Variants in RSRC1 observed in about 807,000 individuals in gnomAD.
RSRC1 encodes arginine and serine rich coiled-coil 1, also known as serine/Arginine-related protein 53.
In RSRC1, 39 loss-of-function variants were observed where a neutral mutation model predicts 49.1. That is an observed-to-expected ratio of 0.79 (90% CI 0.61 to 1.04). The LOEUF is 1.04. Among genes scored for constraint, RSRC1 ranks in the 50% least tolerant of loss-of-function variants. RSRC1 has a pLI of 0.00. For missense variants in RSRC1, 388 were observed against 402.4 expected (o/e 0.96, Z 0.31); for synonymous variants, 143 against 130.8 (o/e 1.09, Z -0.63).
At chr3:158,513,642 GGGA>G (rs1163491448) in intron 7 of RSRC1, among the ~76,000 whole-genome samples, 4 of 152,184 alleles carry the variant, frequency 2.6e-5, no homozygotes, top group African/African-American at 4.8e-5. Flanking sequence ...AAATGAGTTA[GGGA>G]GGATTCCCTC....
At chr3:158,318,048 T>TG (rs768073246) in intron 5 of RSRC1, among the ~76,000 whole-genome samples, 284 of 151,328 alleles carry the variant, frequency 1.9e-3, no homozygotes, top group Non-Finnish European at 3.2e-3. Context: ...TGTGTGTGTG[T>TG]TTGTTTTTGG....
At chr3:158,333,491 GTGTT>G (rs1310064045) in intron 5 of RSRC1, among the ~76,000 whole-genome samples, 3 of 152,270 alleles carry the variant, frequency 2.0e-5, no homozygotes, top group East Asian at 1.9e-4. Context: ...AATAAAGTAT[GTGTT>G]TGATCTTTTT....
chr3:158,235,004 C>T (rs535725091), intron 4 of RSRC1, among the ~76,000 whole-genome samples: 5 of 151,890 alleles, frequency 3.3e-5, no homozygotes, highest in East Asian at 1.9e-4. Context: ...AGGTAACTGC[C>T]GACTGCTTAA....
At chr3:158,113,525 C>T (rs781137273) in intron 1 of RSRC1, among the ~76,000 whole-genome samples, 17 of 151,906 alleles carry the variant, frequency 1.1e-4, no homozygotes, top group Non-Finnish European at 2.1e-4. Flanking sequence ...CGCTTCACCA[C>T]GCCCAGCTAA....
At chr3:158,383,871 C>T (rs1397920021) in intron 6 of RSRC1, among the ~76,000 whole-genome samples, 1 of 151,982 alleles carries the variant, frequency 6.6e-6, no homozygotes, top group Admixed American at 6.6e-5. Flanking sequence ...ACAATTCATT[C>T]CTCAAAGATT....
intron 6 of RSRC1, among the ~76,000 whole-genome samples, chr3:158,401,794 A>G (rs911017823): frequency 2.6e-5 from 4 of 152,056 alleles, no homozygotes; most frequent in Admixed American, 2.0e-4. Context: ...GCCAGTTCAC[A>G]GAAACAAATT....
At chr3:158,265,903 C>G (rs114640696) in intron 4 of RSRC1, among the ~76,000 whole-genome samples, 1 of 152,046 alleles carries the variant, frequency 6.6e-6, no homozygotes, top group African/African-American at 2.4e-5. Flanking sequence ...TTTTTTTTGT[C>G]ATATACAGAT....
At chr3:158,272,418 G>A (rs1161696999) in intron 4 of RSRC1, among the ~76,000 whole-genome samples, 1 of 151,992 alleles carries the variant, frequency 6.6e-6, no homozygotes, top group Non-Finnish European at 1.5e-5. Flanking sequence ...TTTATATTCT[G>A]ATATGACAGA....
chr3:158,120,279 A>G (rs1355149635), intron 1 of RSRC1, among the ~76,000 whole-genome samples: 1 of 152,108 alleles, frequency 6.6e-6, no homozygotes, highest in East Asian at 1.9e-4. Flanking sequence ...TTAAACTAAA[A>G]TCTTAGACAT....
chr3:158,214,472 A>G (rs1721848348), intron 4 of RSRC1, among the ~76,000 whole-genome samples: 1 of 148,222 alleles, frequency 6.7e-6, no homozygotes, highest in Non-Finnish European at 1.5e-5. Context: ...TCCTTCTTTG[A>G]GTTTATTTGT....
chr3:158,424,966 C>G (rs1735319669), intron 6 of RSRC1, among the ~76,000 whole-genome samples: 1 of 150,604 alleles, frequency 6.6e-6, no homozygotes, highest in Non-Finnish European at 1.5e-5. Flanking sequence ...TGATTCTTCT[C>G]TCTTTTTTTC....
At chr3:158,421,845 T>C (rs1375394516) in intron 6 of RSRC1, among the ~76,000 whole-genome samples, 1 of 151,816 alleles carries the variant, frequency 6.6e-6, no homozygotes, top group African/African-American at 2.4e-5. Flanking sequence ...GCAGAGTTTA[T>C]AGGTCATTTT....
At chr3:158,397,842 C>A (rs892996143) in intron 6 of RSRC1, among the ~76,000 whole-genome samples, 1 of 151,976 alleles carries the variant, frequency 6.6e-6, no homozygotes, top group East Asian at 1.9e-4. Flanking sequence ...TTTAATGTCA[C>A]CTCCTTGTAA....
intron 9 of RSRC1, chr3:158,543,741 A>AT (rs1713169699): frequency 1.7e-5 from 6 of 355,220 alleles, no homozygotes. Flanking sequence ...AAAGAGAAGC[A>AT]TTTTTTCCTT....
chr3:158,255,650 T>G (rs1313431940), intron 4 of RSRC1, among the ~76,000 whole-genome samples: 1 of 152,228 alleles, frequency 6.6e-6, no homozygotes, highest in Non-Finnish European at 1.5e-5. Flanking sequence ...ATAAATTACC[T>G]TGGGCAGTAT....
chr3:158,357,402 AC>A (rs1731215945), intron 6 of RSRC1, among the ~76,000 whole-genome samples: 1 of 152,134 alleles, frequency 6.6e-6, no homozygotes, highest in South Asian at 2.1e-4. Flanking sequence ...TTTCATTGCC[AC>A]TGGTTAAGTA....
At chr3:158,375,167 T>C (rs1405373917) in intron 6 of RSRC1, among the ~76,000 whole-genome samples, 1 of 45,678 alleles carries the variant, frequency 2.2e-5, no homozygotes, top group Non-Finnish European at 4.8e-5. Context: ...AAGTTATTAT[T>C]ATTATTATTA....
chr3:158,275,823 G>A (rs1578273713), intron 4 of RSRC1: 3 of 505,282 alleles, frequency 5.9e-6, no homozygotes, highest in East Asian at 9.4e-5. Context: ...TGATAACAGT[G>A]GAGCTGGAGA....
rs543936370 is a variant in RSRC1 at position 158,173,121 on chromosome 3, A to G, written c.321-29951A>G. ...TTATTTACATATACACATATCAAAT[A>G]TAAATCATAGGCTTTATAGAGAATA... On this transcript the variant is annotated intron_variant, in intron 3 of 9. Coordinates refer to ENST00000611884, the MANE Select transcript of RSRC1 (RefSeq NM_001271838.2). Among the ~76,000 whole-genome samples the G allele has an allele frequency of 4.6e-5, 7 of 152,190 alleles. No individual in the cohort carries two copies. In the South Asian group the frequency reaches 1.4e-3, roughly 32 times the overall value.
Sources: gnomAD v4.1 joint callset for allele counts (sites outside exome capture counted in the v4.1 genomes callset) on GRCh38, gnomAD v4.1.1 for gene constraint, MANE v1.5 for transcripts, NCBI Gene and HGNC (gene_info 2026-07-23, HGNC 2026-07-21) for gene names.